The following RFX3 variants were observed in gnomAD, a reference collection of about 807,000 sequenced individuals.
RFX3 encodes the protein transcription factor RFX3.
Under a neutral mutation model 98.6 loss-of-function variants are expected in RFX3, and 14 were observed. That is an observed-to-expected ratio of 0.14 (90% CI 0.09 to 0.22). The LOEUF is 0.22. Among genes scored for constraint, RFX3 ranks in the 10% least tolerant of loss-of-function variants. The pLI is 1.00. For missense variants in RFX3, 639 were observed against 926.9 expected, an observed-to-expected ratio of 0.69 and a Z score of 4.03; for synonymous variants, 383 against 328.4, an observed-to-expected ratio of 1.17 and a Z score of -1.80.
intron 1 of RFX3, among the ~76,000 whole-genome samples, chr9:3,504,278 T>C (rs895208780): frequency 4.7e-5 from 6 of 127,164 alleles, no homozygotes; most frequent in Non-Finnish European, 6.2e-5. Flanking sequence ...ATATTGTATA[T>C]AACATATAAA....
At chr9:3,360,409 C>T (rs1403358471) in intron 2 of RFX3, among the ~76,000 whole-genome samples, 1 of 151,970 alleles carries the variant, frequency 6.6e-6, no homozygotes, top group Non-Finnish European at 1.5e-5. Context: ...TTTAAAATGA[C>T]CTTGAGTTAA....
intron 1 of RFX3, among the ~76,000 whole-genome samples, chr9:3,437,866 G>T (rs116140550): frequency 1.4e-3 from 220 of 151,996 alleles, no homozygotes; most frequent in African/African-American, 5.1e-3. Flanking sequence ...AATTGGATAG[G>T]GAAATGCTTC....
chr9:3,338,355 T>C (rs986738119), intron 3 of RFX3, among the ~76,000 whole-genome samples: 1 of 152,212 alleles, frequency 6.6e-6, no homozygotes, highest in Non-Finnish European at 1.5e-5. Context: ...CAAGAATAAA[T>C]GTTAAAAGTC....
chr9:3,373,063 A>G (rs1032380042), intron 2 of RFX3, among the ~76,000 whole-genome samples: 2 of 152,206 alleles, frequency 1.3e-5, no homozygotes, highest in East Asian at 1.9e-4. Context: ...ATTCGTTGCC[A>G]TATCTCTATG....
At chr9:3,480,343 C>T (rs1028568896) in intron 1 of RFX3, among the ~76,000 whole-genome samples, 4 of 152,198 alleles carry the variant, frequency 2.6e-5, no homozygotes, top group South Asian at 4.1e-4. Flanking sequence ...TCTAGGAGAA[C>T]GGTCAGATTC....
At chr9:3,336,637 G>C (rs1431751091) in intron 3 of RFX3, among the ~76,000 whole-genome samples, 1 of 152,126 alleles carries the variant, frequency 6.6e-6, no homozygotes, top group African/African-American at 2.4e-5. Context: ...GAAATTAGAA[G>C]TCTGAAGTAT....
At chr9:3,271,758 T>C (rs1253397528) in intron 9 of RFX3, among the ~76,000 whole-genome samples, 1 of 152,158 alleles carries the variant, frequency 6.6e-6, no homozygotes, top group African/African-American at 2.4e-5. Flanking sequence ...CAGATGGAGT[T>C]AGGGCTGAAT....
At position 3,238,612 on chromosome 9, in the gene RFX3, T is replaced by C. The variant is rs75678454; in HGVS notation, c.1968+9420A>G. ...GATTGTTCACACGCAGATTTGGAAC[T>C]TCCTGACTCAATGCTTCTCTTTTCA... On this transcript the variant is annotated intron_variant, in intron 15 of 16. Transcript: ENST00000617270. Among the ~76,000 whole-genome samples the C allele has an allele frequency of 5.1e-3, 780 of 152,320 alleles. 9 individuals carry two copies. Among genetic ancestry groups the C allele is most frequent in the East Asian group, 0.035 (179 of 5,188 alleles).
rs139404052 is a variant in RFX3 at position 3,514,438 on chromosome 9, T to C, written c.-9+11309A>G. On this transcript the variant is annotated intron_variant, in intron 1 of 16. Coordinates refer to ENST00000617270, the MANE Select transcript of RFX3 (RefSeq NM_001282116.2). ...TTGAAAAGTAATTTTTTTAACCAAG[T>C]TGTGTTTTGTTTTGTTTTGTTTTGT... 9.7e-4 allele frequency among the ~76,000 whole-genome samples: 147 copies of C among 151,312 alleles called. 1 individual carries two copies. Among genetic ancestry groups the C allele is most frequent in the Non-Finnish European group, 5.6e-4 (38 of 67,996 alleles).
intron 15 of RFX3, among the ~76,000 whole-genome samples, chr9:3,230,014 T>TA (rs1343414938): frequency 6.6e-6 from 1 of 152,182 alleles, no homozygotes; most frequent in Admixed American, 6.5e-5. Context: ...TTTCAAGAGT[T>TA]AGTTTATGCA....
intron 1 of RFX3, among the ~76,000 whole-genome samples, chr9:3,498,438 C>G (rs1253148596): frequency 6.6e-6 from 1 of 151,928 alleles, no homozygotes; most frequent in Non-Finnish European, 1.5e-5. Context: ...GGAGCTGCTG[C>G]AAAGTGAAAC....
intron 15 of RFX3, chr9:3,247,224 C>T (rs1251919886): frequency 2.0e-6 from 2 of 979,914 alleles, no homozygotes; most frequent in African/African-American, 1.8e-5. Context: ...TGAGCATTTG[C>T]ATCTATTCCT....
chr9:3,330,557 T>C, intron 3 of RFX3, 40 bp from the exon 4 acceptor site: 1 of 1,541,138 alleles, frequency 6.5e-7, no homozygotes, highest in Non-Finnish European at 8.8e-7. Context: ...CTAGCTTATT[T>C]ATGTCATCTT....
chr9:3,224,964 T>G lies in RFX3; in HGVS notation c.*78A>C. The G allele has an allele frequency of 7.1e-7, 1 of 1,411,930 alleles. No individual in the cohort carries two copies. Among genetic ancestry groups the G allele is most frequent in the South Asian group, 1.3e-5 (1 of 79,278 alleles). The allele number at this position is 1,411,930 out of a possible 1,614,324, so 87.5% of individuals were successfully genotyped here. ...GATAGAATTTGACAACAGTCGACCT[T>G]CAGGCTTATTAAATTTTCAACTTAA... On this transcript the variant is annotated 3_prime_UTR_variant, in exon 17 of 17. Coordinates refer to ENST00000617270, the MANE Select transcript of RFX3 (RefSeq NM_001282116.2).
Position 3,458,426 on chromosome 9 carries a change from C to G in RFX3, c.-8-62830G>C, listed in dbSNP as rs574449219. Among the ~76,000 whole-genome samples, 11 of 152,218 alleles carry G rather than the reference C, an allele frequency of 7.2e-5. No individual in the cohort carries two copies. In the South Asian group the frequency reaches 2.3e-3, roughly 32 times the overall value. On this transcript the variant is annotated intron_variant, in intron 1 of 16. Transcript: ENST00000617270. ...CAGGCACATCCAGTATTTGTCTGCACACAAAATAAATCTACATGTCTTACA... is the reference window on the plus strand; with the variant it reads ...CAGGCACATCCAGTATTTGTCTGCAGACAAAATAAATCTACATGTCTTACA...
intron 1 of RFX3, among the ~76,000 whole-genome samples, chr9:3,461,200 G>C (rs1847656300): frequency 6.6e-6 from 1 of 151,594 alleles, no homozygotes; most frequent in Admixed American, 6.6e-5. Flanking sequence ...AAATATATGA[G>C]AGCAACAAAC....
intron 11 of RFX3, among the ~76,000 whole-genome samples, chr9:3,266,845 C>G (rs1823705213): frequency 6.6e-6 from 1 of 151,924 alleles, no homozygotes; most frequent in Admixed American, 6.6e-5. Flanking sequence ...TTAAAATTGT[C>G]TGAATTGAAA....
chr9:3,500,007 G>C (rs1015457937), intron 1 of RFX3, among the ~76,000 whole-genome samples: 1 of 151,966 alleles, frequency 6.6e-6, no homozygotes, highest in African/African-American at 2.4e-5. Flanking sequence ...TCCTTCAATG[G>C]TTGCTTTCAT....
chr9:3,433,228 C>A (rs187937174), intron 1 of RFX3, among the ~76,000 whole-genome samples: 16 of 152,176 alleles, frequency 1.1e-4, no homozygotes, highest in Non-Finnish European at 2.1e-4. Flanking sequence ...TAAAGTCACA[C>A]AAAGTGTGCC....
Sources: gnomAD v4.1 joint callset for allele counts (sites outside exome capture counted in the v4.1 genomes callset) on GRCh38, gnomAD v4.1.1 for gene constraint, MANE v1.5 for transcripts, NCBI Gene and HGNC (gene_info 2026-07-23, HGNC 2026-07-21) for gene names.